CSMD3: variants seen among roughly 807,000 people sequenced by gnomAD.
CSMD3 encodes CUB and Sushi multiple domains 3, also known as CUB and sushi domain-containing protein 3.
In CSMD3, 177 loss-of-function variants were observed where a neutral mutation model predicts 435.2. The ratio of observed to expected loss-of-function variants is 0.41; its 90% CI spans 0.36 to 0.46. The LOEUF (loss-of-function observed/expected upper bound fraction) is 0.46. Ranked by LOEUF, CSMD3 falls within the 20% of genes least tolerant of loss-of-function variation. The pLI, the probability that CSMD3 is intolerant of heterozygous loss-of-function variation, is 0.34. For missense variants in CSMD3, 4,265 were observed against 4,504.6 expected, an observed-to-expected ratio of 0.95 and a Z score of 1.52; for synonymous variants, 1,656 against 1,520.5, an observed-to-expected ratio of 1.09 and a Z score of -2.07.
intron 3 of CSMD3, among the ~76,000 whole-genome samples, chr8:113,194,355 G>A (rs542479756): frequency 6.6e-6 from 1 of 151,322 alleles, no homozygotes; most frequent in African/African-American, 2.4e-5. Context: ...ATAACACACA[G>A]AGTGTACTCA....
At chr8:112,954,210 T>C (rs913935407) in intron 8 of CSMD3, among the ~76,000 whole-genome samples, 1 of 151,558 alleles carries the variant, frequency 6.6e-6, no homozygotes, top group African/African-American at 2.4e-5. Flanking sequence ...ATATTTGATT[T>C]CATAGGTTTA....
At chr8:113,390,312 C>T (rs1473167436) in intron 1 of CSMD3, among the ~76,000 whole-genome samples, 16 of 151,728 alleles carry the variant, frequency 1.1e-4, no homozygotes, top group Non-Finnish European at 3.0e-5. Flanking sequence ...CCAAAACAAT[C>T]TCCATGCAGT....
chr8:112,436,867 G>C (rs1814413374), intron 32 of CSMD3, among the ~76,000 whole-genome samples: 1 of 152,016 alleles, frequency 6.6e-6, no homozygotes, highest in South Asian at 2.1e-4. Context: ...AAGGAAATGT[G>C]TTACAAATGC....
intron 5 of CSMD3, among the ~76,000 whole-genome samples, chr8:113,028,791 T>C (rs2086971301): frequency 6.6e-6 from 1 of 151,502 alleles, no homozygotes; most frequent in Non-Finnish European, 1.5e-5. Flanking sequence ...AGAGGTTGGT[T>C]CATGAAGCTT....
At chr8:113,399,102 T>TACAC (rs1201560879) in intron 1 of CSMD3, among the ~76,000 whole-genome samples, 3 of 82,178 alleles carry the variant, frequency 3.7e-5, no homozygotes, top group East Asian at 6.3e-4. Flanking sequence ...TATATATATA[T>TACAC]ATATACACAC....
chr8:112,497,467 C>T (rs1279612949), intron 30 of CSMD3, among the ~76,000 whole-genome samples: 3 of 129,842 alleles, frequency 2.3e-5, no homozygotes, highest in Middle Eastern at 3.8e-3. Context: ...CAAAATATCT[C>T]ATGTACTCCA....
At chr8:113,431,347 A>G (rs2094671687) in intron 1 of CSMD3, among the ~76,000 whole-genome samples, 1 of 152,224 alleles carries the variant, frequency 6.6e-6, no homozygotes, top group African/African-American at 2.4e-5. Context: ...TGTACATGTA[A>G]ATAAACTAAA....
At chr8:112,419,221 G>GT (rs36004207) in intron 32 of CSMD3, among the ~76,000 whole-genome samples, 31,050 of 152,020 alleles carry the variant, frequency 0.2, 3,895 homozygotes, top group East Asian at 0.43. Context: ...AGTGAGCTGC[G>GT]TTATGCTGAT....
At chr8:112,732,099 T>C (rs1419562435) in intron 13 of CSMD3, among the ~76,000 whole-genome samples, 1 of 151,830 alleles carries the variant, frequency 6.6e-6, no homozygotes, top group Non-Finnish European at 1.5e-5. Context: ...GTGATGACAA[T>C]AGCAGAAACA....
intron 6 of CSMD3, among the ~76,000 whole-genome samples, chr8:112,978,332 C>A (rs1005744140): frequency 6.6e-5 from 10 of 151,644 alleles, no homozygotes; most frequent in Non-Finnish European, 1.5e-4. Context: ...TCAAATAATC[C>A]CTCGAATTTG....
chr8:113,221,685 A>T (rs1012935042), intron 3 of CSMD3, among the ~76,000 whole-genome samples: 2 of 151,168 alleles, frequency 1.3e-5, no homozygotes, highest in African/African-American at 2.4e-5. Context: ...GGGCCTTTAC[A>T]CCTGCTCTCT....
chr8:113,410,370 T>C (rs1004821988), intron 1 of CSMD3, among the ~76,000 whole-genome samples: 1 of 152,162 alleles, frequency 6.6e-6, no homozygotes, highest in Admixed American at 6.5e-5. Context: ...CTGAGACAGC[T>C]CATTAAAGAG....
chr8:113,184,326 A>C (rs2092466273), intron 3 of CSMD3, among the ~76,000 whole-genome samples: 1 of 151,896 alleles, frequency 6.6e-6, no homozygotes, highest in Non-Finnish European at 1.5e-5. Flanking sequence ...TGACTGATGA[A>C]ACCAATAGTC....
intron 3 of CSMD3, among the ~76,000 whole-genome samples, chr8:113,247,922 T>C (rs937682969): frequency 6.6e-6 from 1 of 151,690 alleles, no homozygotes; most frequent in African/African-American, 2.4e-5. Flanking sequence ...ATGACTGGAG[T>C]TTTCGTGAGC....
chr8:113,221,803 C>G (rs1472041113), intron 3 of CSMD3, among the ~76,000 whole-genome samples: 1 of 151,284 alleles, frequency 6.6e-6, no homozygotes, highest in African/African-American at 2.4e-5. Flanking sequence ...TCACCTTCAT[C>G]CATTAATATC....
At chr8:112,289,840 G>A (rs867071158) in intron 56 of CSMD3, among the ~76,000 whole-genome samples, 8 of 152,068 alleles carry the variant, frequency 5.3e-5, no homozygotes, top group South Asian at 4.1e-4. Context: ...TGATGAGTGT[G>A]TGTCCACATA....
intron 13 of CSMD3, among the ~76,000 whole-genome samples, chr8:112,775,834 G>A (rs1438640419): frequency 6.6e-6 from 1 of 151,790 alleles, no homozygotes; most frequent in Admixed American, 6.6e-5. Flanking sequence ...TTTAGAAAAT[G>A]TGCTAATTTT....
chr8:112,756,237 G>A (rs1178054015), intron 13 of CSMD3, among the ~76,000 whole-genome samples: 1 of 152,126 alleles, frequency 6.6e-6, no homozygotes, highest in East Asian at 1.9e-4. Context: ...TATATTTAAT[G>A]CATGTTTTAG....
At chr8:113,375,043 A>G (rs536034542) in intron 1 of CSMD3, among the ~76,000 whole-genome samples, 1 of 152,120 alleles carries the variant, frequency 6.6e-6, no homozygotes, top group Non-Finnish European at 1.5e-5. Flanking sequence ...CCAGTATAAC[A>G]AAAGAGTAGA....
Sources: gnomAD v4.1 joint callset for allele counts (sites outside exome capture counted in the v4.1 genomes callset) on GRCh38, gnomAD v4.1.1 for gene constraint, MANE v1.5 for transcripts, NCBI Gene and HGNC (gene_info 2026-07-23, HGNC 2026-07-21) for gene names.